CALHM5: variants seen among roughly 807,000 people sequenced by gnomAD.
The protein encoded by CALHM5 is calcium homeostasis modulator protein 5.
A neutral mutation model predicts 20.9 loss-of-function variants in CALHM5; 17 were observed. The observed-to-expected ratio is 0.82, with a 90% CI of 0.56 to 1.22. The LOEUF (loss-of-function observed/expected upper bound fraction) is 1.22, where lower values mean the gene tolerates loss of function less well. Among genes scored for constraint, CALHM5 ranks in the 50% most tolerant of loss-of-function variants. The pLI is 0.00. For missense variants in CALHM5, 360 were observed against 364.6 expected (o/e 0.99, Z 0.10); for synonymous variants, 148 against 140.0 (o/e 1.06, Z -0.40).
At chr6:116,515,540 C>T in intron 1 of CALHM5, 60 bp from the exon 2 acceptor site, 3 of 1,513,502 alleles carry the variant, frequency 2.0e-6, no homozygotes, top group Middle Eastern at 1.8e-4. Flanking sequence ...CTCAATAATA[C>T]CCCAGCTCCC....
rs1290633545 is a variant in CALHM5, at chr6:116,511,846, T to C, written c.150T>C (p.Tyr50=). The C allele has an allele frequency of 9.3e-6, 15 of 1,614,134 alleles. No homozygotes were observed. The highest frequency in any genetic ancestry group is 1.2e-5 in the Non-Finnish European group (14 of 1,179,998). ...CCTGCAGCACTGAGAATATGACCTA[T>C]GGGCTGGTTTTCCTCTTTGCTCCTG... is the stretch of plus-strand genomic sequence containing the variant. The part of the protein sequence containing the change: ...KCPCSTENMT[Y]GLVFLFAPAW... Residue 50 remains tyrosine (Y), a synonymous_variant, in exon 1 of 2, where the codon TAT becomes TAC. Coordinates refer to ENST00000368599, the MANE Select transcript of CALHM5 (RefSeq NM_153711.5).
chr6:116,512,569 C>T (rs1772145285), intron 1 of CALHM5, among the ~76,000 whole-genome samples: 1 of 152,176 alleles, frequency 6.6e-6, no homozygotes, highest in African/African-American at 2.4e-5. Context: ...GTGTTAATGG[C>T]AGAGCTGTAA....
rs981765126 is a variant in CALHM5, at chr6:116,522,014, G to A, written c.*6025G>A. 6.6e-6 allele frequency: 1 copy of A among 152,052 alleles called. No homozygotes were observed. Among genetic ancestry groups the A allele is most frequent in the Non-Finnish European group, 1.5e-5 (1 of 68,034 alleles). 9.4% of individuals were successfully genotyped at this position (152,052 alleles called of 1,614,324 possible). On this transcript the variant is annotated 3_prime_UTR_variant, in exon 2 of 2. Coordinates refer to ENST00000368599, the MANE Select transcript of CALHM5 (RefSeq NM_153711.5). ...AGGCCCAAGCTAGCCAGTGGGAGGA[G>A]AGAGAGAGAGATAAAAAGAGAGAGA...
rs915691066 is a variant in CALHM5, at chr6:116,518,090, T to C, written c.*2101T>C. 1.1e-4 allele frequency: 16 copies of C among 152,164 alleles called. No homozygotes were observed. The highest frequency in any genetic ancestry group is 3.6e-4 in the African/African-American group (15 of 41,442). The allele number at this position is 152,164 out of a possible 1,614,324, so 9.4% of individuals were successfully genotyped here. A position where few individuals can be genotyped will look rare whatever the true frequency, so the allele number is the denominator to read the frequency against. On this transcript the variant is annotated 3_prime_UTR_variant, in exon 2 of 2. Coordinates refer to ENST00000368599, the MANE Select transcript of CALHM5 (RefSeq NM_153711.5). ...ACTGATGATAGTAAATAAAGCCCTT[T>C]CCTGAGTTCTGTGAGCTACTCTAGC... is the stretch of plus-strand genomic sequence containing the variant.
chr6:116,512,164 A>G lies in CALHM5; in HGVS notation c.468A>G (p.Val156=), dbSNP rs1456597554. Reference sequence around the variant, plus strand: ...AGTGCTGGGAAGAACTTCACAAAGTATCTTGTGGCAAAACTAGCATGCTAC... The same window carrying G: ...AGTGCTGGGAAGAACTTCACAAAGTGTCTTGTGGCAAAACTAGCATGCTAC... ...PKECWEELHK[V]SCGKTSMLPT... Residue 156 remains valine, a synonymous_variant, in exon 1 of 2, where the codon GTA becomes GTG. Coordinates refer to ENST00000368599, the MANE Select transcript of CALHM5 (RefSeq NM_153711.5). 1 of 1,612,652 alleles carries G rather than the reference A, an allele frequency of 6.2e-7. No homozygotes were observed. The highest frequency in any genetic ancestry group is 2.2e-5 in the East Asian group (1 of 44,890).
intron 1 of CALHM5, among the ~76,000 whole-genome samples, chr6:116,515,110 TTGTATCGTC>T (rs1201793599): frequency 1.3e-5 from 2 of 152,200 alleles, no homozygotes; most frequent in East Asian, 3.9e-4. Flanking sequence ...AGCTTCCTGA[TTGTATCGTC>T]TGTCTCCCTT....
rs911115299 is a variant in CALHM5 at position 116,524,472 on chromosome 6, C to T, written c.*8483C>T. On this transcript the variant is annotated 3_prime_UTR_variant, in exon 2 of 2. Coordinates refer to ENST00000368599, the MANE Select transcript of CALHM5 (RefSeq NM_153711.5). ...CATATTCAGCCTGTTGGCCTGTTCT[C>T]GAATTGAAGGACAGCTTGTCTGGTT... The T allele has an allele frequency of 6.6e-6, 1 of 152,144 alleles. No homozygotes were observed. Among genetic ancestry groups the T allele is most frequent in the South Asian group, 2.1e-4 (1 of 4,826 alleles). The allele number at this position is 152,144 out of a possible 1,614,324, so 9.4% of individuals were successfully genotyped here.
Position 116,512,237 on chromosome 6 carries a change from GTAA to G in CALHM5, c.540+2_540+4del. ...ACTCTCCCTTCAGGCCCAGTCTCAG[GTAA>G]GAAAAGACAAACTCGCCTTTTTCTC... On this transcript the variant is annotated splice_donor_variant and splice_donor_region_variant and intron_variant, in intron 1 of 1. Coordinates refer to ENST00000368599, the MANE Select transcript of CALHM5 (RefSeq NM_153711.5). LOFTEE classifies it high-confidence loss of function. The G allele has an allele frequency of 6.3e-7, 1 of 1,588,496 alleles. No homozygotes were observed. The highest frequency in any genetic ancestry group is 8.5e-7 in the Non-Finnish European group (1 of 1,170,870).
chr6:116,512,307 C>G, intron 1 of CALHM5, 71 bp downstream of exon 1: 2 of 1,467,472 alleles, frequency 1.4e-6, no homozygotes, highest in Non-Finnish European at 9.1e-7. Context: ...TCCTTTCAGC[C>G]AGGGCTGTCT....
At position 116,512,219 on chromosome 6, in the gene CALHM5, C is replaced by A. The variant is rs1452201747; in HGVS notation, c.523C>A (p.Leu175Ile). 1 of 1,599,638 alleles carries A rather than the reference C, an allele frequency of 6.3e-7. No individual in the cohort carries two copies. Among genetic ancestry groups the A allele is most frequent in the Admixed American group, 1.7e-5 (1 of 59,822 alleles). ...CGTCAATGAAGAACTGAAACTCTCC[C>A]TTCAGGCCCAGTCTCAGGTAAGAAA... ...PTVNEELKLS[L>I]QAQSQILGWC... Residue 175 changes from leucine (L) to isoleucine (I), a missense_variant, in exon 1 of 2, where the codon CTT becomes ATT. Physicochemically the swap from Leu to Ile is conservative, Grantham distance 5. Transcript: ENST00000368599.
chr6:116,511,688 A>G lies in CALHM5; in HGVS notation c.-9A>G, dbSNP rs776990661. ...AAGGCACAGCATTTTCCCTCTGTGC[A>G]TCTCCAACATGGATGCTTTTCAGGG... On this transcript the variant is annotated 5_prime_UTR_variant, in exon 1 of 2. Transcript: ENST00000368599. 3 of 1,611,402 alleles carry G rather than the reference A, an allele frequency of 1.9e-6. No individual in the cohort carries two copies. Among genetic ancestry groups the G allele is most frequent in the South Asian group, 1.1e-5 (1 of 90,908 alleles).
intron 1 of CALHM5, among the ~76,000 whole-genome samples, 198 bp from the exon 2 acceptor site, chr6:116,515,402 T>C (rs76462988): frequency 3.8e-4 from 58 of 152,352 alleles, no homozygotes; most frequent in Non-Finnish European, 7.5e-4. Flanking sequence ...AGAGATTAGG[T>C]AAACCCTAAC....
Position 116,524,565 on chromosome 6 carries a change from G to C in CALHM5, c.*8576G>C, listed in dbSNP as rs892806919. 1 of 152,102 alleles carries C rather than the reference G, an allele frequency of 6.6e-6. No individual in the cohort carries two copies. The highest frequency in any genetic ancestry group is 2.4e-5 in the African/African-American group (1 of 41,414). 9.4% of individuals were successfully genotyped at this position (152,102 alleles called of 1,614,324 possible). A position where few individuals can be genotyped will look rare whatever the true frequency, so the allele number is the denominator to read the frequency against. ...GTCTTTTGTCATTGAATATTGCTGA[G>C]GTGGCCACAGCCTGATTTCTGATGC... is the stretch of plus-strand genomic sequence containing the variant. On this transcript the variant is annotated 3_prime_UTR_variant, in exon 2 of 2. Transcript: ENST00000368599.
At position 116,523,842 on chromosome 6, in the gene CALHM5, T is replaced by G. The variant is rs1772391631; in HGVS notation, c.*7853T>G. 1 of 152,144 alleles carries G rather than the reference T, an allele frequency of 6.6e-6. No homozygotes were observed. Among genetic ancestry groups the G allele is most frequent in the African/African-American group, 2.4e-5 (1 of 41,424 alleles). 9.4% of individuals were successfully genotyped at this position (152,144 alleles called of 1,614,324 possible). ...AGGTACATCTAGATCTAACAGAACA[T>G]TCCATTTTACAGATGACTCAGTCTC... is the stretch of plus-strand genomic sequence containing the variant. On this transcript the variant is annotated 3_prime_UTR_variant, in exon 2 of 2. Coordinates refer to ENST00000368599, the MANE Select transcript of CALHM5 (RefSeq NM_153711.5).
rs1466180948 is a variant in CALHM5, at chr6:116,512,068, C to G, written c.372C>G (p.Phe124Leu). Reference sequence around the variant, plus strand: ...CTGTGGCTCTGCTCAATGGAACTTTCTATGAATGTGCCATGAGCGGGACGA... The same window carrying G: ...CTGTGGCTCTGCTCAATGGAACTTTGTATGAATGTGCCATGAGCGGGACGA... ...WLSVALLNGT[F>L]YECAMSGTRS... Residue 124 changes from phenylalanine (F) to leucine (L), a missense_variant, in exon 1 of 2, where the codon TTC (phenylalanine) becomes TTG (leucine). Transcript: ENST00000368599. The G allele has an allele frequency of 1.2e-6, 2 of 1,614,026 alleles. No individual in the cohort carries two copies.
rs1015508165 is a variant in CALHM5 at position 116,519,998 on chromosome 6, C to G, written c.*4009C>G. On this transcript the variant is annotated 3_prime_UTR_variant, in exon 2 of 2. Coordinates refer to ENST00000368599, the MANE Select transcript of CALHM5 (RefSeq NM_153711.5). ...AAAATAAGGCATGGCAGACAAATCACTACATAATTCTATGCATTATACCTT... is the reference window on the plus strand; with the variant it reads ...AAAATAAGGCATGGCAGACAAATCAGTACATAATTCTATGCATTATACCTT... 5 of 152,148 alleles carry G rather than the reference C, an allele frequency of 3.3e-5. No homozygotes were observed. The highest frequency in any genetic ancestry group is 4.8e-5 in the African/African-American group (2 of 41,430). The allele number at this position is 152,148 out of a possible 1,614,324, so 9.4% of individuals were successfully genotyped here. A position where few individuals can be genotyped will look rare whatever the true frequency, so the allele number is the denominator to read the frequency against.
At chr6:116,515,044 T>C (rs904948974) in intron 1 of CALHM5, among the ~76,000 whole-genome samples, 1 of 152,214 alleles carries the variant, frequency 6.6e-6, no homozygotes, top group African/African-American at 2.4e-5. Flanking sequence ...AGACAAATCA[T>C]TTTCAAGGTT....
In CALHM5 at chr6:116,517,635, G is replaced by T. The variant is rs1000148544; in HGVS notation, c.*1646G>T. On this transcript the variant is annotated 3_prime_UTR_variant, in exon 2 of 2. Transcript: ENST00000368599. ...CATTTACAAGAAGAAATATGTATTT[G>T]GTCTTTCTTCCTATTCCTGGTGCAG... 6.6e-6 allele frequency: 1 copy of T among 152,116 alleles called. No individual in the cohort carries two copies. Among genetic ancestry groups the T allele is most frequent in the East Asian group, 1.9e-4 (1 of 5,198 alleles). The allele number at this position is 152,116 out of a possible 1,614,324, so 9.4% of individuals were successfully genotyped here.
rs1772230478 is a variant in CALHM5 at position 116,516,654 on chromosome 6, G to A, written c.*665G>A. ...ACCATTTCCTACATTCAAAATAGTA[G>A]TAACAAATATATATATATATATATA... is the stretch of plus-strand genomic sequence containing the variant. On this transcript the variant is annotated 3_prime_UTR_variant, in exon 2 of 2. Transcript: ENST00000368599. The A allele has an allele frequency of 1.8e-5, 2 of 111,256 alleles. No homozygotes were observed. The highest frequency in any genetic ancestry group is 1.0e-4 in the Admixed American group (1 of 9,764). 6.9% of individuals were successfully genotyped at this position (111,256 alleles called of 1,614,324 possible). A position where few individuals can be genotyped will look rare whatever the true frequency, so the allele number is the denominator to read the frequency against.
Sources: allele counts gnomAD v4.1 joint callset (sites outside exome capture counted in the v4.1 genomes callset), GRCh38; gene constraint gnomAD v4.1.1; transcripts MANE v1.5; gene names NCBI Gene and HGNC (gene_info 2026-07-23, HGNC 2026-07-21).